Variants in CNTNAP3B observed in about 807,000 individuals in gnomAD.
CNTNAP3B encodes contactin associated protein family member 3B.
CNTNAP3B carries 25 observed loss-of-function variants against 108.9 expected under a neutral mutation model. The observed-to-expected ratio is 0.23, with a 90% CI of 0.17 to 0.32. The LOEUF is 0.32. Among genes scored for constraint, CNTNAP3B ranks in the 10% least tolerant of loss-of-function variants. The pLI, the probability that CNTNAP3B is intolerant of heterozygous loss-of-function variation, is 1.00. For synonymous variants in CNTNAP3B, 103 were observed against 473.4 expected (o/e 0.22, Z 10.16); for missense variants, 252 against 1,210.4 (o/e 0.21, Z 11.75).
intron 2 of CNTNAP3B, among the ~76,000 whole-genome samples, chr9:42,097,515 C>T (rs2118685065): frequency 7.1e-6 from 1 of 140,096 alleles, no homozygotes; most frequent in Admixed American, 7.1e-5. Context: ...GTCACTGATT[C>T]ATTTCCATAA....
chr9:41,931,110 G>A (rs1237902369), intron 14 of CNTNAP3B, among the ~76,000 whole-genome samples: 1 of 152,236 alleles, frequency 6.6e-6, no homozygotes, highest in Non-Finnish European at 1.5e-5. Context: ...ATGCATTTGT[G>A]GCAAAAGATC....
In CNTNAP3B at chr9:41,986,459, C is replaced by G. The variant is rs1347318019; in HGVS notation, c.1334-148G>C. 9 of 1,007,268 alleles carry G rather than the reference C, an allele frequency of 8.9e-6. 1 individual carries two copies. Among genetic ancestry groups the G allele is most frequent in the Admixed American group, 3.6e-5 (1 of 27,612 alleles). 62.4% of individuals were successfully genotyped at this position (1,007,268 alleles called of 1,614,324 possible). ...ACTGAAAAAAACATTAACCACCTAT[C>G]TTTAATTTAAAAATTTCATTTATTA... On this transcript the variant is annotated intron_variant, in intron 8 of 23. Transcript: ENST00000377561.
In CNTNAP3B at chr9:42,112,936, T is replaced by C. The variant is rs1175372547; in HGVS notation, c.86-8197A>G. 1.5e-5 allele frequency among the ~76,000 whole-genome samples: 2 copies of C among 129,054 alleles called. 1 individual carries two copies. Among genetic ancestry groups the C allele is most frequent in the Non-Finnish European group, 3.2e-5 (2 of 61,544 alleles). 84.7% of individuals were successfully genotyped at this position (129,054 alleles called of 152,430 possible). A position where few individuals can be genotyped will look rare whatever the true frequency, so the allele number is the denominator to read the frequency against. On this transcript the variant is annotated intron_variant, in intron 1 of 23. Coordinates refer to ENST00000377561, the MANE Select transcript of CNTNAP3B (RefSeq NM_001201380.3). ...CCAGGCTAAATTTTTTTTGTATTTT[T>C]AGTAGACACGGGGTTTCACCATGTT...
At chr9:41,937,401 A>G (rs1215827608) in intron 14 of CNTNAP3B, among the ~76,000 whole-genome samples, 2 of 151,438 alleles carry the variant, frequency 1.3e-5, no homozygotes, top group Non-Finnish European at 2.9e-5. Flanking sequence ...TGCTGTGATT[A>G]CAGGCATGAG....
chr9:41,986,530 C>T (rs1825705779), intron 8 of CNTNAP3B, among the ~76,000 whole-genome samples: 1 of 146,240 alleles, frequency 6.8e-6, no homozygotes, highest in African/African-American at 2.6e-5. Flanking sequence ...TGAAGAATCA[C>T]TGTAACAAAT....
Position 42,036,456 on chromosome 9 carries a change from T to C in CNTNAP3B, c.391-22931A>G, listed in dbSNP as rs1407788341. Among the ~76,000 whole-genome samples, 3 of 139,186 alleles carry C rather than the reference T, an allele frequency of 2.2e-5. 1 individual carries two copies. The highest frequency in any genetic ancestry group is 4.6e-5 in the Non-Finnish European group (3 of 64,998). The allele number at this position is 139,186 out of a possible 152,430, so 91.3% of individuals were successfully genotyped here. On this transcript the variant is annotated intron_variant, in intron 3 of 23. Transcript: ENST00000377561. ...TTTCTATGAATTTGGGTCTCACTAATACTTTTTAAGATCGAACTGCAAGGC... is the reference window on the plus strand; with the variant it reads ...TTTCTATGAATTTGGGTCTCACTAACACTTTTTAAGATCGAACTGCAAGGC...
chr9:41,942,271 C>G (rs1301792292), intron 13 of CNTNAP3B, among the ~76,000 whole-genome samples: 1 of 152,254 alleles, frequency 6.6e-6, no homozygotes, highest in Non-Finnish European at 1.5e-5. Context: ...GTCAGGAGAT[C>G]GAGACCATCC....
intron 2 of CNTNAP3B, among the ~76,000 whole-genome samples, chr9:42,103,464 C>T (rs1828040998): frequency 8.4e-6 from 1 of 119,230 alleles, no homozygotes; most frequent in African/African-American, 3.6e-5. Flanking sequence ...AGGCTCACGC[C>T]TATAATCCTA....
intron 13 of CNTNAP3B, among the ~76,000 whole-genome samples, chr9:41,939,900 A>C (rs530374142): frequency 6.0e-4 from 91 of 152,076 alleles, no homozygotes; most frequent in African/African-American, 2.1e-3. Context: ...ATAATACAGA[A>C]GACAACCGAA....
intron 3 of CNTNAP3B, among the ~76,000 whole-genome samples, chr9:42,019,591 C>CAAAA (rs569640352): frequency 9.9e-6 from 1 of 100,814 alleles, no homozygotes; most frequent in African/African-American, 4.5e-5. Flanking sequence ...ATCTCTACTT[C>CAAAA]AAAAAAAAAA....
chr9:41,939,376 G>A lies in CNTNAP3B; in HGVS notation c.2081-976C>T, dbSNP rs1274188347. Among the ~76,000 whole-genome samples the A allele has an allele frequency of 3.0e-4, 46 of 152,350 alleles. No homozygotes were observed. The South Asian group carries it at 9.7e-3, about 32-fold the overall frequency. ...CAATAGGTTGTTACCATTGGAATAT[G>A]AATCGAGATCTGGAACTTAGCTTCT... is the stretch of plus-strand genomic sequence containing the variant. On this transcript the variant is annotated intron_variant, in intron 13 of 23. Transcript: ENST00000377561.
chr9:42,117,500 A>G lies in CNTNAP3B; in HGVS notation c.85+11510T>C, dbSNP rs202136575. ...AATGAGAACAAACACACAACATACCAGAATCTCTGGGACACATTTAAAGCA... is the reference window on the plus strand; with the variant it reads ...AATGAGAACAAACACACAACATACCGGAATCTCTGGGACACATTTAAAGCA... On this transcript the variant is annotated intron_variant, in intron 1 of 23. Coordinates refer to ENST00000377561, the MANE Select transcript of CNTNAP3B (RefSeq NM_001201380.3). 9.2e-5 allele frequency among the ~76,000 whole-genome samples: 13 copies of G among 141,792 alleles called. No individual in the cohort carries two copies. The East Asian group carries it at 2.8e-3, about 30-fold the overall frequency. The allele number at this position is 141,792 out of a possible 152,430, so 93.0% of individuals were successfully genotyped here. A position where few individuals can be genotyped will look rare whatever the true frequency, so the allele number is the denominator to read the frequency against.
intron 11 of CNTNAP3B, 74 bp from the exon 12 acceptor site, chr9:41,960,966 T>C: frequency 1.3e-6 from 2 of 1,530,502 alleles, no homozygotes; most frequent in South Asian, 1.3e-5. Context: ...AAGGTTTGCA[T>C]TTCTGAATTA....
intron 1 of CNTNAP3B, among the ~76,000 whole-genome samples, chr9:42,108,044 G>T (rs1478523511): frequency 1.5e-5 from 2 of 136,956 alleles, no homozygotes; most frequent in Non-Finnish European, 3.1e-5. Context: ...AACATATCTG[G>T]TACCTAAGTT....
rs530146054 is a variant in CNTNAP3B at position 41,977,856 on chromosome 9, C to T, written c.1478-7611G>A. The stretch of plus-strand genomic sequence containing the variant: ...CCGTGTTAGCCAGGATGGTCTCGAT[C>T]TCCTGACCTTGTGATCCACCTGCCT... On this transcript the variant is annotated intron_variant, in intron 9 of 23. Coordinates refer to ENST00000377561, the MANE Select transcript of CNTNAP3B (RefSeq NM_001201380.3). Among the ~76,000 whole-genome samples the T allele has an allele frequency of 1.8e-3, 254 of 140,454 alleles. No homozygotes were observed. In the East Asian group the frequency reaches 0.045, roughly 25 times the overall value. 92.1% of individuals were successfully genotyped at this position (140,454 alleles called of 152,430 possible).
chr9:42,075,163 G>T (rs1296795244), intron 3 of CNTNAP3B, among the ~76,000 whole-genome samples: 1 of 144,172 alleles, frequency 6.9e-6, no homozygotes, highest in Non-Finnish European at 1.5e-5. Flanking sequence ...TCTGTCTCTG[G>T]GTCCAAAGGT....
chr9:42,088,921 T>C (rs1827761529), intron 2 of CNTNAP3B, among the ~76,000 whole-genome samples: 1 of 138,904 alleles, frequency 7.2e-6, no homozygotes, highest in Non-Finnish European at 1.5e-5. Context: ...AATTTTGATT[T>C]TATGAAAAAT....
At position 41,966,366 on chromosome 9, in the gene CNTNAP3B, A is replaced by C. The variant is rs1367968972; in HGVS notation, c.1650-1722T>G. Among the ~76,000 whole-genome samples, 6 of 152,412 alleles carry C rather than the reference A, an allele frequency of 3.9e-5. No individual in the cohort carries two copies. The East Asian group carries it at 1.2e-3, about 29-fold the overall frequency. ...CTATTTAAGTGATCTAGAGACTATC[A>C]ACATGTATACACTATTTTTCTTCAA... is the stretch of plus-strand genomic sequence containing the variant. On this transcript the variant is annotated intron_variant, in intron 10 of 23. Coordinates refer to ENST00000377561, the MANE Select transcript of CNTNAP3B (RefSeq NM_001201380.3).
In CNTNAP3B at chr9:42,078,373, C is replaced by T. The variant is rs1378245546; in HGVS notation, c.197-1311G>A. ...TTTACAGATTCTTAGAAGTCAGATT[C>T]TAAGATATTTTTGTAGTGAATCTTT... On this transcript the variant is annotated intron_variant, in intron 2 of 23. Transcript: ENST00000377561. Among the ~76,000 whole-genome samples the T allele has an allele frequency of 8.1e-5, 11 of 135,398 alleles. 1 individual carries two copies. Among genetic ancestry groups the T allele is most frequent in the Non-Finnish European group, 1.3e-4 (8 of 63,352 alleles). The allele number at this position is 135,398 out of a possible 152,430, so 88.8% of individuals were successfully genotyped here. A position where few individuals can be genotyped will look rare whatever the true frequency, so the allele number is the denominator to read the frequency against.
Sources: allele counts gnomAD v4.1 joint callset (sites outside exome capture counted in the v4.1 genomes callset), GRCh38; gene constraint gnomAD v4.1.1; transcripts MANE v1.5; gene names NCBI Gene and HGNC (gene_info 2026-07-23, HGNC 2026-07-21).